DLGAP2: variants seen among roughly 807,000 people sequenced by gnomAD.
The protein encoded by DLGAP2 is disks large-associated protein 2.
DLGAP2 carries 26 observed loss-of-function variants against 100.3 expected under a neutral mutation model. That is an observed-to-expected ratio of 0.26 (90% confidence interval 0.19 to 0.36). The LOEUF (loss-of-function observed/expected upper bound fraction) is 0.36, where lower values mean the gene tolerates loss of function less well. Ranked by LOEUF, DLGAP2 falls within the 10% of genes least tolerant of loss-of-function variation. The probability of loss-of-function intolerance (pLI) is 1.00; values close to 1 mark genes in which losing one functional copy is unlikely to be tolerated. For missense variants in DLGAP2, 1,858 were observed against 1,453.2 expected (o/e 1.28, Z -4.53); for synonymous variants, 886 against 630.1 (o/e 1.41, Z -6.08).
chr8:1,112,666 TTGTC>T (rs1804997970), intron 2 of DLGAP2, among the ~76,000 whole-genome samples: 3 of 152,230 alleles, frequency 2.0e-5, no homozygotes, highest in African/African-American at 7.2e-5. Context: ...TTCTAGTAGT[TTGTC>T]TGTTCGCTCT....
Position 1,328,317 on chromosome 8 carries a change from ATAT to A in DLGAP2, c.106+69448_106+69450del, listed in dbSNP as rs953412358. Among the ~76,000 whole-genome samples, 4 of 145,356 alleles carry A rather than the reference ATAT, an allele frequency of 2.8e-5. No homozygotes were observed. The South Asian group carries it at 6.6e-4, about 24-fold the overall frequency. ...AGCCTCCCAAAGTGCTGTACAGTTAATATTATTATTATTATTTTTGAGATGGAG... is the reference window on the plus strand; with the variant it reads ...AGCCTCCCAAAGTGCTGTACAGTTAATATTATTATTATTTTTGAGATGGAG... On this transcript the variant is annotated intron_variant, in intron 3 of 14. Coordinates refer to ENST00000637795, the MANE Select transcript of DLGAP2 (RefSeq NM_001346810.2).
rs73524664 is a variant in DLGAP2, at chr8:1,113,637, C to A, written c.74-145214C>A. ...TTTTCTAGATATAGAATCTTGTCAT[C>A]TACAAACAGGGGTACTTTGACTTCC... is the stretch of plus-strand genomic sequence containing the variant. On this transcript the variant is annotated intron_variant, in intron 2 of 14. Transcript: ENST00000637795. Among the ~76,000 whole-genome samples the A allele has an allele frequency of 8.8e-3, 1,345 of 152,268 alleles. 24 individuals are homozygous for A. Among genetic ancestry groups the A allele is most frequent in the African/African-American group, 0.031 (1,277 of 41,554 alleles).
In DLGAP2 at chr8:1,636,167, A is replaced by G. The variant is rs547680463; in HGVS notation, c.1810+3121A>G. On this transcript the variant is annotated intron_variant, in intron 8 of 14. Coordinates refer to ENST00000637795, the MANE Select transcript of DLGAP2 (RefSeq NM_001346810.2). Reference sequence around the variant, plus strand: ...TTTATCGGATTGCTTTACTTGTCCAAATATGCATCTCACCCGATTTTTCTA... The same window carrying G: ...TTTATCGGATTGCTTTACTTGTCCAGATATGCATCTCACCCGATTTTTCTA... Among the ~76,000 whole-genome samples the G allele has an allele frequency of 2.0e-5, 3 of 152,326 alleles. No individual in the cohort carries two copies. The South Asian group carries it at 6.2e-4, about 32-fold the overall frequency.
chr8:1,224,163 G>A (rs994891956), intron 2 of DLGAP2, among the ~76,000 whole-genome samples: 5 of 152,118 alleles, frequency 3.3e-5, no homozygotes, highest in Admixed American at 2.6e-4. Flanking sequence ...TGTCTAAGAG[G>A]AATTGCAAGA....
At chr8:745,360 C>G (rs1418445431) in intron 1 of DLGAP2, among the ~76,000 whole-genome samples, 1 of 152,196 alleles carries the variant, frequency 6.6e-6, no homozygotes, top group East Asian at 1.9e-4. Flanking sequence ...ACTACTGGGT[C>G]TGAAACAAAA....
intron 2 of DLGAP2, among the ~76,000 whole-genome samples, chr8:917,616 C>T (rs772630106): frequency 7.9e-5 from 12 of 152,108 alleles, no homozygotes; most frequent in African/African-American, 1.4e-4. Flanking sequence ...GGGTCTCGCT[C>T]TGTTGCCAGG....
chr8:763,471 T>C (rs970121982), intron 1 of DLGAP2, among the ~76,000 whole-genome samples: 12 of 152,250 alleles, frequency 7.9e-5, no homozygotes, highest in African/African-American at 2.9e-4. Flanking sequence ...AACTTATCAA[T>C]GGCATCTTGA....
chr8:1,480,873 A>G (rs928965611), intron 3 of DLGAP2, among the ~76,000 whole-genome samples: 2 of 150,202 alleles, frequency 1.3e-5, no homozygotes, highest in African/African-American at 4.9e-5. Context: ...TATAAAAAAA[A>G]AAGAAAAGAA....
chr8:1,045,096 G>A (rs368338014), intron 2 of DLGAP2, among the ~76,000 whole-genome samples: 1 of 152,184 alleles, frequency 6.6e-6, no homozygotes, highest in South Asian at 2.1e-4. Flanking sequence ...CTGAATGCCC[G>A]GTCCATTCCC....
intron 2 of DLGAP2, among the ~76,000 whole-genome samples, chr8:1,205,418 C>T (rs531524820): frequency 3.1e-4 from 47 of 151,096 alleles, no homozygotes; most frequent in Non-Finnish European, 6.3e-4. Flanking sequence ...ACGTCTCAGC[C>T]GGCTCTTCCT....
intron 3 of DLGAP2, among the ~76,000 whole-genome samples, chr8:1,382,102 C>T (rs900097213): frequency 1.3e-5 from 2 of 152,192 alleles, no homozygotes; most frequent in African/African-American, 2.4e-5. Flanking sequence ...GACTTTACTG[C>T]TGATAGCCTC....
chr8:837,208 G>C (rs988824501), intron 1 of DLGAP2, among the ~76,000 whole-genome samples: 3 of 152,194 alleles, frequency 2.0e-5, no homozygotes, highest in Non-Finnish European at 4.4e-5. Context: ...CTCGCGGGCC[G>C]TGTGCCCAGT....
At chr8:1,182,566 G>A (rs536723390) in intron 2 of DLGAP2, among the ~76,000 whole-genome samples, 42 of 152,332 alleles carry the variant, frequency 2.8e-4, no homozygotes, top group South Asian at 1.5e-3. Flanking sequence ...GCTGGATTTA[G>A]AGTTGGCACT....
chr8:1,484,055 G>GAGGCAGCTGGAAGGAAGA (rs1175428638), intron 3 of DLGAP2, among the ~76,000 whole-genome samples: 3 of 152,232 alleles, frequency 2.0e-5, no homozygotes, highest in African/African-American at 7.2e-5. Flanking sequence ...AGTCCATGTG[G>GAGGCAGCTGGAAGGAAGA]AGGCAGCTGG....
chr8:998,155 CAT>C (rs1352110890), intron 2 of DLGAP2, among the ~76,000 whole-genome samples: 4 of 152,134 alleles, frequency 2.6e-5, no homozygotes, highest in South Asian at 4.1e-4. Flanking sequence ...ACACAACACA[CAT>C]ACACACATGT....
intron 8 of DLGAP2, among the ~76,000 whole-genome samples, chr8:1,664,399 C>T (rs973460789): frequency 2.0e-5 from 3 of 152,166 alleles, no homozygotes; most frequent in Non-Finnish European, 4.4e-5. Context: ...CTTTCAACCC[C>T]AGTCTCTCTC....
chr8:1,298,911 C>T (rs946844068), intron 3 of DLGAP2, among the ~76,000 whole-genome samples: 3 of 151,764 alleles, frequency 2.0e-5, no homozygotes, highest in East Asian at 1.9e-4. Context: ...GGGGAGAACC[C>T]GGGGGGAGAA....
intron 2 of DLGAP2, among the ~76,000 whole-genome samples, chr8:1,178,963 T>C (rs1425932534): frequency 2.0e-5 from 3 of 150,370 alleles, no homozygotes; most frequent in Non-Finnish European, 3.0e-5. Flanking sequence ...CGCCCTGGTC[T>C]CGTCTCCAGT....
intron 4 of DLGAP2, among the ~76,000 whole-genome samples, chr8:1,506,298 C>T (rs936485422): frequency 4.6e-5 from 7 of 152,178 alleles, no homozygotes; most frequent in African/African-American, 1.7e-4. Context: ...TTATTTTCTT[C>T]AGGGAAATTT....
Sources: gnomAD v4.1 joint callset for allele counts (sites outside exome capture counted in the v4.1 genomes callset) on GRCh38, gnomAD v4.1.1 for gene constraint, MANE v1.5 for transcripts, NCBI Gene and HGNC (gene_info 2026-07-23, HGNC 2026-07-21) for gene names.